The following DNAI4 variants were observed in gnomAD, a reference collection of about 807,000 sequenced individuals.
DNAI4 encodes the protein dynein axonemal intermediate chain 4, also known as WD repeat domain 78.
DNAI4 carries 85 observed loss-of-function variants against 105.8 expected under a neutral mutation model. The ratio of observed to expected loss-of-function variants is 0.80; its 90% CI spans 0.67 to 0.96. The LOEUF is 0.96. Ranked by LOEUF, DNAI4 falls within the 40% of genes least tolerant of loss-of-function variation. The pLI is 0.00. For missense variants in DNAI4, 1,014 were observed against 1,005.6 expected (o/e 1.01, Z -0.11); for synonymous variants, 352 against 331.5 (o/e 1.06, Z -0.67).
chr1:66,877,132 A>G (rs778644530), intron 4 of DNAI4, among the ~76,000 whole-genome samples: 2 of 152,208 alleles, frequency 1.3e-5, no homozygotes, highest in Admixed American at 6.5e-5. Context: ...AGTAGAGAAC[A>G]ACCTATGAAG....
At chr1:66,867,192 C>T (rs1380884213) in intron 6 of DNAI4, among the ~76,000 whole-genome samples, 1 of 152,160 alleles carries the variant, frequency 6.6e-6, no homozygotes, top group Admixed American at 6.5e-5. Context: ...TGTTTCCAAC[C>T]AGTCTGATGT....
chr1:66,888,159 T>C lies in DNAI4; in HGVS notation c.643+2995A>G, dbSNP rs150147727. Among the ~76,000 whole-genome samples the C allele has an allele frequency of 9.2e-3, 1,399 of 152,162 alleles. 17 individuals are homozygous for C. The highest frequency in any genetic ancestry group is 0.032 in the African/African-American group (1,338 of 41,512). On this transcript the variant is annotated intron_variant, in intron 4 of 16. Transcript: ENST00000371026. ...CAAATAAATGTTTCCTTGCCACCTG[T>C]GTAGGTAGCAAAATATTTATCAGCA...
intron 9 of DNAI4, among the ~76,000 whole-genome samples, chr1:66,839,471 A>C (rs1225603805): frequency 6.6e-6 from 1 of 152,222 alleles, no homozygotes; most frequent in East Asian, 1.9e-4. Context: ...TCTTGTTTGC[A>C]CATAGCACCT....
At chr1:66,913,334 T>C (rs1288823864) in intron 1 of DNAI4, among the ~76,000 whole-genome samples, 1 of 152,220 alleles carries the variant, frequency 6.6e-6, no homozygotes, top group Non-Finnish European at 1.5e-5. Flanking sequence ...TAATTCTAGT[T>C]CAAAGATGCA....
In DNAI4 at chr1:66,837,784, C is replaced by A; in HGVS notation, c.1507G>T (p.Val503Phe). 1 of 1,602,482 alleles carries A rather than the reference C, an allele frequency of 6.2e-7. No homozygotes were observed. Among genetic ancestry groups the A allele is most frequent in the South Asian group, 1.1e-5 (1 of 86,992 alleles). Residue 503 changes from valine to phenylalanine, a missense_variant, in exon 10 of 17, where the codon GTT (valine) becomes TTT (phenylalanine). Physicochemically the swap from Val to Phe is conservative, Grantham distance 50 (BLOSUM62 -1). Transcript: ENST00000371026. Reference protein sequence around the residue: ...WNKTNPDLLAVGYGHFGFKEQ... With the variant: ...WNKTNPDLLAFGYGHFGFKEQ... ...TTAAATCCAAAGTGCCCATAGCCAA[C>A]AGCCAAAAGATCCTGAAAACCAGAA... is the stretch of plus-strand genomic sequence containing the variant.
chr1:66,923,772 G>A (rs1650788939), intron 1 of DNAI4, among the ~76,000 whole-genome samples: 1 of 152,154 alleles, frequency 6.6e-6, no homozygotes, highest in Non-Finnish European at 1.5e-5. Flanking sequence ...AGGTGGAGGA[G>A]ATTGGAGAGG....
rs184982002 is a variant in DNAI4, at chr1:66,822,998, G to A, written c.2340-481C>T. On this transcript the variant is annotated intron_variant, in intron 15 of 16. Transcript: ENST00000371026. ...AGGTATACCTGTGCCATGCTGGTGC[G>A]CTGCACCCACTAACTCGTCATCTAG... 2.5e-3 allele frequency among the ~76,000 whole-genome samples: 387 copies of A among 151,994 alleles called. 1 individual carries two copies. The highest frequency in any genetic ancestry group is 8.9e-3 in the African/African-American group (370 of 41,416).
chr1:66,924,220 G>A (rs115643879), intron 1 of DNAI4, among the ~76,000 whole-genome samples: 12 of 152,196 alleles, frequency 7.9e-5, no homozygotes, highest in African/African-American at 2.2e-4. Flanking sequence ...GCTCAGGCTC[G>A]AGTGCAACGG....
At chr1:66,913,340 A>T (rs1649800758) in intron 1 of DNAI4, among the ~76,000 whole-genome samples, 1 of 152,166 alleles carries the variant, frequency 6.6e-6, no homozygotes, top group Non-Finnish European at 1.5e-5. Flanking sequence ...TAGTTCAAAG[A>T]TGCATTCTAC....
intron 16 of DNAI4, among the ~76,000 whole-genome samples, chr1:66,814,409 G>A (rs1157179215): frequency 4.6e-5 from 7 of 151,446 alleles, no homozygotes; most frequent in South Asian, 4.2e-4. Context: ...TTGCTCTGTC[G>A]CCAGGCTGGA....
intron 4 of DNAI4, among the ~76,000 whole-genome samples, chr1:66,879,855 T>C (rs1345070372): frequency 6.6e-6 from 1 of 152,184 alleles, no homozygotes; most frequent in African/African-American, 2.4e-5. Context: ...TATGTTTTGT[T>C]CATTTTTCAC....
intron 15 of DNAI4, among the ~76,000 whole-genome samples, chr1:66,822,723 A>G (rs2100336627): frequency 6.6e-6 from 1 of 152,270 alleles, no homozygotes; most frequent in South Asian, 2.1e-4. Flanking sequence ...AACCAGGTAA[A>G]TTAAAGTACT....
chr1:66,839,623 T>G (rs2991356), intron 9 of DNAI4, among the ~76,000 whole-genome samples: 86,253 of 152,002 alleles, frequency 0.57, 25,111 homozygotes, highest in Non-Finnish European at 0.64. Flanking sequence ...ATTGTTGGAA[T>G]TGTTAACTGG....
At chr1:66,829,584 G>T (rs1189520038) in intron 13 of DNAI4, among the ~76,000 whole-genome samples, 5 of 152,120 alleles carry the variant, frequency 3.3e-5, no homozygotes, top group African/African-American at 1.2e-4. Flanking sequence ...AAAACTGATA[G>T]AATTACAAGG....
At chr1:66,822,814 C>T (rs1205983393) in intron 15 of DNAI4, among the ~76,000 whole-genome samples, 1 of 151,952 alleles carries the variant, frequency 6.6e-6, no homozygotes, top group African/African-American at 2.4e-5. Flanking sequence ...GCTATGGTAC[C>T]CAGAGGTTTG....
At chr1:66,861,225 A>G (rs1021661320) in intron 7 of DNAI4, among the ~76,000 whole-genome samples, 6 of 152,282 alleles carry the variant, frequency 3.9e-5, no homozygotes, top group Non-Finnish European at 8.8e-5. Context: ...GAACTTGAAA[A>G]TATTCCATTT....
At chr1:66,877,348 C>A (rs887271635) in intron 4 of DNAI4, among the ~76,000 whole-genome samples, 4 of 152,144 alleles carry the variant, frequency 2.6e-5, no homozygotes, top group Non-Finnish European at 5.9e-5. Context: ...ACAAACTTTT[C>A]TAAGCACAAA....
intron 10 of DNAI4, among the ~76,000 whole-genome samples, chr1:66,837,049 A>C (rs1646040114): frequency 6.6e-6 from 1 of 152,216 alleles, no homozygotes; most frequent in African/African-American, 2.4e-5. Context: ...TCATATATTA[A>C]GAAACAACCA....
chr1:66,909,382 T>C (rs1438142305), intron 1 of DNAI4, among the ~76,000 whole-genome samples: 2 of 151,502 alleles, frequency 1.3e-5, no homozygotes, highest in African/African-American at 2.4e-5. Context: ...AAAAGGATTA[T>C]TACCAAGGTC....
Sources: allele counts gnomAD v4.1 joint callset (sites outside exome capture counted in the v4.1 genomes callset), GRCh38; gene constraint gnomAD v4.1.1; transcripts MANE v1.5; gene names NCBI Gene and HGNC (gene_info 2026-07-23, HGNC 2026-07-21).